The following TLE1 variants were observed in gnomAD, a reference collection of about 807,000 sequenced individuals.
TLE1 encodes TLE family member 1, transcriptional corepressor.
In TLE1, 21 loss-of-function variants were observed where a neutral mutation model predicts 89.8. That is an observed-to-expected ratio of 0.23 (90% CI 0.17 to 0.34). The LOEUF (loss-of-function observed/expected upper bound fraction) is 0.34, where lower values mean the gene tolerates loss of function less well. Ranked by LOEUF, TLE1 falls within the 10% of genes least tolerant of loss-of-function variation. The pLI is 1.00. For missense variants in TLE1, 795 were observed against 1,031.2 expected (o/e 0.77, Z 3.14); for synonymous variants, 447 against 407.6 (o/e 1.10, Z -1.16).
At chr9:81,665,182 G>C (rs1192446180) in intron 4 of TLE1, among the ~76,000 whole-genome samples, 1 of 152,060 alleles carries the variant, frequency 6.6e-6, no homozygotes, top group East Asian at 1.9e-4. Context: ...ACAAACCGGG[G>C]GTGTAGGAAC....
rs561971614 is a variant in TLE1 at position 81,589,022 on chromosome 9, A to G, written c.1830-1194T>C. ...ATCTTCTCTCTGCAAGCCATCCCCA[A>G]CTTCTGCACTTTAGGATCCAGGTTG... On this transcript the variant is annotated intron_variant, in intron 16 of 19. Transcript: ENST00000376499. 5.9e-5 allele frequency among the ~76,000 whole-genome samples: 9 copies of G among 152,178 alleles called. No individual in the cohort carries two copies. In the East Asian group the frequency reaches 1.6e-3, roughly 26 times the overall value.
At chr9:81,673,902 G>A (rs1832569286) in intron 4 of TLE1, among the ~76,000 whole-genome samples, 1 of 152,134 alleles carries the variant, frequency 6.6e-6, no homozygotes, top group Non-Finnish European at 1.5e-5. Context: ...AGGCTGCATG[G>A]GGCCTGGATG....
chr9:81,628,240 AC>A (rs891165257), intron 8 of TLE1, among the ~76,000 whole-genome samples: 1 of 151,960 alleles, frequency 6.6e-6, no homozygotes, highest in South Asian at 2.1e-4. Flanking sequence ...AGGCCTCCTA[AC>A]CCCCTCCCTG....
chr9:81,590,671 C>G (rs1408152154), intron 16 of TLE1, 134 bp downstream of exon 16: 2 of 1,461,738 alleles, frequency 1.4e-6, no homozygotes, highest in Non-Finnish European at 1.8e-6. Flanking sequence ...TCTTTGTTCC[C>G]TCATCACCTA....
In TLE1 at chr9:81,611,758, C is replaced by CAGCGGCCTACCATGGGGG; in HGVS notation, c.1247_1254+10dup. 2 of 1,509,180 alleles carry CAGCGGCCTACCATGGGGG rather than the reference C, an allele frequency of 1.3e-6. No individual in the cohort carries two copies. The highest frequency in any genetic ancestry group is 1.8e-6 in the Non-Finnish European group (2 of 1,137,674). The allele number at this position is 1,509,180 out of a possible 1,614,324, so 93.5% of individuals were successfully genotyped here. On this transcript the variant is annotated intron_variant, in intron 13 of 19. Transcript: ENST00000376499. Reference sequence around the variant, plus strand: ...CCTACCCCAACCACAGCCCACCCGACAGCGGCCTACCATGGGGGAGCGCCC... The same window carrying CAGCGGCCTACCATGGGGG: ...CCTACCCCAACCACAGCCCACCCGACAGCGGCCTACCATGGGGGAGCGGCCTACCATGGGGGAGCGCCC...
intron 11 of TLE1, among the ~76,000 whole-genome samples, chr9:81,614,045 C>T (rs11139340): frequency 0.26 from 39,287 of 151,488 alleles, 5,525 homozygotes; most frequent in Non-Finnish European, 0.32. Flanking sequence ...GTAGCTGGGA[C>T]TACAGGTGCC....
chr9:81,607,316 T>C (rs1473329996), intron 14 of TLE1, among the ~76,000 whole-genome samples: 1 of 146,546 alleles, frequency 6.8e-6, no homozygotes, highest in Non-Finnish European at 1.5e-5. Flanking sequence ...ATTACTTCTG[T>C]CTTACAACTG....
intron 6 of TLE1, among the ~76,000 whole-genome samples, chr9:81,641,337 T>C (rs926816877): frequency 6.6e-6 from 1 of 152,112 alleles, no homozygotes; most frequent in Admixed American, 6.5e-5. Flanking sequence ...TCCCATTATG[T>C]GAATGGCCTC....
chr9:81,676,899 T>C (rs1387293601), intron 4 of TLE1, among the ~76,000 whole-genome samples: 1 of 152,246 alleles, frequency 6.6e-6, no homozygotes, highest in Non-Finnish European at 1.5e-5. Flanking sequence ...TGTTCATTTA[T>C]TTTAAATGTA....
At chr9:81,679,397 C>T (rs1833319569) in intron 4 of TLE1, among the ~76,000 whole-genome samples, 1 of 151,736 alleles carries the variant, frequency 6.6e-6, no homozygotes, top group Admixed American at 6.6e-5. Context: ...ATTTTAGAAA[C>T]CATACTTTTG....
intron 8 of TLE1, 146 bp from the exon 9 acceptor site, chr9:81,620,703 T>C: frequency 6.9e-7 from 1 of 1,454,064 alleles, no homozygotes; most frequent in Non-Finnish European, 9.0e-7. Context: ...AAGACTTTGA[T>C]GGCAAACATA....
intron 4 of TLE1, 61 bp from the exon 5 acceptor site, chr9:81,654,097 A>G: frequency 2.0e-6 from 3 of 1,511,264 alleles, no homozygotes; most frequent in Non-Finnish European, 2.8e-6. Flanking sequence ...GAAAGGTAAA[A>G]CTTCATACCC....
Position 81,613,436 on chromosome 9 carries a change from G to A in TLE1, c.1004C>T (p.Pro335Leu). The A allele has an allele frequency of 6.2e-7, 1 of 1,614,198 alleles. No homozygotes were observed. The highest frequency in any genetic ancestry group is 8.5e-7 in the Non-Finnish European group (1 of 1,180,004). ...DMPTPGTSAT[P>L]GLRPGLGKPP... ...CTTGCCGAGACCTGGACGGAGGCCT[G>A]GAGTGGCGCTGGTGCCCGGCGTTGG... Residue 335 changes from proline to leucine, a missense_variant, in exon 12 of 20, where the codon CCA becomes CTA. Physicochemically the swap from Pro to Leu is moderately conservative, Grantham distance 98. This residue lies in a region of TLE1 where 468 missense variants were observed against 509.1 expected (regional missense o/e 0.92). Coordinates refer to ENST00000376499, the MANE Select transcript of TLE1 (RefSeq NM_005077.5).
chr9:81,675,330 G>A (rs907958856), intron 4 of TLE1, among the ~76,000 whole-genome samples: 1 of 151,838 alleles, frequency 6.6e-6, no homozygotes, highest in Non-Finnish European at 1.5e-5. Flanking sequence ...TAAAGACTAA[G>A]TAAATAATCA....
At position 81,620,082 on chromosome 9, in the gene TLE1, C is replaced by T. The variant is rs79921273; in HGVS notation, c.711+359G>A. ...AAATGAAAAATGCAGAGACCTTATT[C>T]AAAAATTGAGAACGCAAAGATGGTG... On this transcript the variant is annotated intron_variant, in intron 9 of 19. Transcript: ENST00000376499. Among the ~76,000 whole-genome samples, 1,102 of 152,258 alleles carry T rather than the reference C, an allele frequency of 7.2e-3. 16 individuals carry two copies. The highest frequency in any genetic ancestry group is 0.024 in the African/African-American group (1,017 of 41,548).
intron 14 of TLE1, among the ~76,000 whole-genome samples, chr9:81,608,945 A>G (rs1005273531): frequency 6.6e-6 from 1 of 151,948 alleles, no homozygotes; most frequent in Non-Finnish European, 1.5e-5. Flanking sequence ...CAAAAATAAT[A>G]AAAAAAAGAA....
chr9:81,588,537 C>A (rs1010394160), intron 16 of TLE1, among the ~76,000 whole-genome samples: 2 of 152,172 alleles, frequency 1.3e-5, no homozygotes, highest in African/African-American at 4.8e-5. Flanking sequence ...ACTCTGCCTC[C>A]AAGCGGAGCA....
chr9:81,629,828 G>A (rs1236418520), intron 8 of TLE1, among the ~76,000 whole-genome samples: 1 of 152,080 alleles, frequency 6.6e-6, no homozygotes. Flanking sequence ...ATACACTTAG[G>A]GGACCACCAT....
At chr9:81,674,439 G>A (rs1832632854) in intron 4 of TLE1, among the ~76,000 whole-genome samples, 1 of 152,078 alleles carries the variant, frequency 6.6e-6, no homozygotes, top group Non-Finnish European at 1.5e-5. Context: ...CACACACTGG[G>A]GTCCTCAATG....
Sources: allele counts gnomAD v4.1 joint callset (sites outside exome capture counted in the v4.1 genomes callset), GRCh38; gene constraint gnomAD v4.1.1; regional missense constraint gnomAD v4.1.1; transcripts MANE v1.5; gene names NCBI Gene and HGNC (gene_info 2026-07-23, HGNC 2026-07-21).